Variants in RPL31 observed in about 807,000 individuals in gnomAD.
RPL31 encodes the protein ribosomal protein L31, also known as large ribosomal subunit protein eL31.
For missense variants in RPL31, 95 were observed against 164.0 expected, an observed-to-expected ratio of 0.58 and a Z score of 2.30; for synonymous variants, 51 against 55.0, an observed-to-expected ratio of 0.93 and a Z score of 0.32.
chr2:101,004,395 A>C (rs373725401), intron 3 of RPL31, 112 bp downstream of exon 3: 5 of 186,136 alleles, frequency 2.7e-5, no homozygotes, highest in African/African-American at 1.9e-4. Context: ...GTGGAAGTAT[A>C]AAAAAAAAAA....
At chr2:101,012,685 A>AAT (rs1429959069) in intron 4 of RPL31, among the ~76,000 whole-genome samples, 6 of 152,208 alleles carry the variant, frequency 3.9e-5, no homozygotes, top group African/African-American at 1.4e-4. Context: ...TGGTGCGTGA[A>AAT]ATATATCTCA....
exon 5 of RPL31, chr2:101,019,064 G>A: frequency 6.2e-7 from 1 of 1,605,536 alleles, no homozygotes; most frequent in African/African-American, 1.3e-5. Context: ...AAGTGGATGA[G>A]GCCTTGGGTC....
chr2:101,003,239 T>A (rs1032023879), intron 2 of RPL31, among the ~76,000 whole-genome samples: 2 of 152,214 alleles, frequency 1.3e-5, no homozygotes, highest in African/African-American at 4.8e-5. Context: ...TTTTTCCCTA[T>A]GCCTGAATGT....
At chr2:101,011,388 C>G (rs553876448), downstream of RPL31, 1 of 1,544,734 alleles carries the variant, frequency 6.5e-7, no homozygotes, top group African/African-American at 1.4e-5. Context: ...TGAGGGCAAC[C>G]CCGGTGCCTC....
chr2:101,014,535 T>C (rs1558619431), intron 4 of RPL31, among the ~76,000 whole-genome samples: 1 of 152,248 alleles, frequency 6.6e-6, no homozygotes, highest in Non-Finnish European at 1.5e-5. Flanking sequence ...TTAGAATGAC[T>C]GTTTTTTCCC....
downstream of RPL31, chr2:101,008,324 A>ATT: frequency 2.3e-5 from 27 of 1,187,642 alleles, no homozygotes; most frequent in Non-Finnish European, 2.4e-5. Flanking sequence ...TGGAAGTGTC[A>ATT]TTTTTTTTTT....
intron 2 of RPL31, among the ~76,000 whole-genome samples, chr2:101,003,240 G>T (rs953227454): frequency 2.6e-5 from 4 of 152,044 alleles, no homozygotes; most frequent in Admixed American, 6.6e-5. Context: ...TTTTCCCTAT[G>T]CCTGAATGTT....
chr2:101,019,159 C>A, exon 5 of RPL31: 3 of 1,383,724 alleles, frequency 2.2e-6, no homozygotes, highest in Non-Finnish European at 3.0e-6. Context: ...ATTACCCTGG[C>A]AGAGGGCCAG....
intron 4 of RPL31, among the ~76,000 whole-genome samples, chr2:101,012,732 CAG>C (rs753761811): frequency 4.6e-5 from 7 of 152,070 alleles, no homozygotes; most frequent in Non-Finnish European, 8.8e-5. Context: ...TCGGGGATGA[CAG>C]GGAAGGTTCC....
chr2:101,003,432 C>T (rs1223276548), intron 2 of RPL31, among the ~76,000 whole-genome samples: 1 of 152,124 alleles, frequency 6.6e-6, no homozygotes, highest in Admixed American at 6.5e-5. Context: ...CGGACCCCGC[C>T]ACCACACCTG....
At chr2:101,011,074 T>C, downstream of RPL31, 1 of 1,574,678 alleles carries the variant, frequency 6.4e-7, no homozygotes, top group Non-Finnish European at 8.7e-7. Flanking sequence ...ATAAATTCAG[T>C]GACAGCAAAA....
At chr2:101,008,289 G>GTCT (rs761000069), downstream of RPL31, 2 of 1,498,816 alleles carry the variant, frequency 1.3e-6, no homozygotes, top group South Asian at 1.4e-5. Flanking sequence ...ATTGAAATAA[G>GTCT]TCTTAGGTAG....
downstream of RPL31, among the ~76,000 whole-genome samples, chr2:101,012,193 A>T (rs552301212): frequency 7.9e-5 from 12 of 152,340 alleles, no homozygotes; most frequent in South Asian, 2.5e-3. Flanking sequence ...TTGACTCAGA[A>T]ATCTCACTTC....
At chr2:101,019,020 A>G (rs373067797) in exon 5 of RPL31, 3 of 1,612,384 alleles carry the variant, frequency 1.9e-6, no homozygotes, top group Non-Finnish European at 2.5e-6. Flanking sequence ...ACAGTGTTAC[A>G]GTCGCCAAGA....
chr2:101,005,796 TG>T, intron 3 of RPL31, 162 bp from the exon 4 acceptor site: 2 of 633,476 alleles, frequency 3.2e-6, no homozygotes, highest in Non-Finnish European at 5.5e-6. Flanking sequence ...AATGTTCACC[TG>T]GGGGTTATGT....
downstream of RPL31, among the ~76,000 whole-genome samples, chr2:101,010,531 A>G (rs574478162): frequency 2.6e-5 from 4 of 152,176 alleles, no homozygotes; most frequent in Non-Finnish European, 5.9e-5. Context: ...ATGTTCCGCT[A>G]CCTGGACTTT....
chr2:101,009,892 G>A (rs1250190974), downstream of RPL31, among the ~76,000 whole-genome samples: 2 of 150,948 alleles, frequency 1.3e-5, no homozygotes, highest in African/African-American at 4.9e-5. Context: ...TGCGATCTCG[G>A]CTCACTGCAA....
chr2:101,011,186 TG>T (rs1679181252), downstream of RPL31: 1 of 742,146 alleles, frequency 1.3e-6, no homozygotes, highest in Non-Finnish European at 2.2e-6. Flanking sequence ...AGCCAGTGGG[TG>T]GTAACTGGGG....
chr2:101,018,646 A>G (rs1031611504), intron 4 of RPL31, among the ~76,000 whole-genome samples: 2 of 152,210 alleles, frequency 1.3e-5, no homozygotes, highest in African/African-American at 2.4e-5. Flanking sequence ...ATAAAATAGC[A>G]TATTCCCTGA....
Sources: allele counts gnomAD v4.1 joint callset (sites outside exome capture counted in the v4.1 genomes callset), GRCh38; gene constraint gnomAD v4.1.1; transcripts MANE v1.5; gene names NCBI Gene and HGNC (gene_info 2026-07-23, HGNC 2026-07-21).